Variants in TRAPPC10 observed in about 807,000 individuals in gnomAD.
The protein encoded by TRAPPC10 is trafficking protein particle complex subunit 10, also known as TRAPP 130 kDa subunit.
Under a neutral mutation model 125.5 loss-of-function variants are expected in TRAPPC10, and 23 were observed. That is an observed-to-expected ratio of 0.18 (90% CI 0.13 to 0.26). TRAPPC10 has a LOEUF of 0.26. Among genes scored for constraint, TRAPPC10 ranks in the 10% least tolerant of loss-of-function variants. The pLI is 1.00. For synonymous variants in TRAPPC10, 509 were observed against 518.0 expected, an observed-to-expected ratio of 0.98 and a Z score of 0.24; for missense variants, 1,123 against 1,308.4, an observed-to-expected ratio of 0.86 and a Z score of 2.19.
chr21:44,037,142 T>G (rs2034042252), intron 2 of TRAPPC10, among the ~76,000 whole-genome samples: 1 of 151,970 alleles, frequency 6.6e-6, no homozygotes, highest in Non-Finnish European at 1.5e-5. Flanking sequence ...AAGTGAGAAG[T>G]AAAGGCACGG....
At position 44,036,072 on chromosome 21, in the gene TRAPPC10, C is replaced by G. The variant is rs143495505; in HGVS notation, c.150-1720C>G. ...CTTTTCAGAAGGAAAGTGGAGGGAA[C>G]AGAGGACAGGTGACATTTGAAGAAT... On this transcript the variant is annotated intron_variant, in intron 2 of 22. Transcript: ENST00000291574. Among the ~76,000 whole-genome samples the G allele has an allele frequency of 1.9e-3, 284 of 152,150 alleles. 1 individual carries two copies. The highest frequency in any genetic ancestry group is 6.1e-3 in the Admixed American group (94 of 15,286).
Position 44,079,752 on chromosome 21 carries a change from A to G in TRAPPC10, c.1610+48A>G, listed in dbSNP as rs1250808873. 2.5e-6 allele frequency: 4 copies of G among 1,576,312 alleles called. No individual in the cohort carries two copies. The African/African-American group carries it at 5.5e-5, about 22-fold the overall frequency. ...AGCAGGAAAATTATTTTCTGTTTAT[A>G]CGGCAACATTGCCCACAATCAATGT... On this transcript the variant is annotated intron_variant, in intron 12 of 22. Coordinates refer to ENST00000291574, the MANE Select transcript of TRAPPC10 (RefSeq NM_003274.5).
At position 44,083,019 on chromosome 21, in the gene TRAPPC10, A is replaced by G. The variant is rs763467060; in HGVS notation, c.1955A>G (p.Asn652Ser). 7.4e-6 allele frequency: 12 copies of G among 1,613,980 alleles called. No individual in the cohort carries two copies. Among genetic ancestry groups the G allele is most frequent in the East Asian group, 6.7e-5 (3 of 44,894 alleles). ...AEWLTKHKTS[N>S]GIINFPPETA... The stretch of plus-strand genomic sequence containing the variant: ...TGGCTTACCAAGCACAAGACGTCCA[A>G]TGGGATCATTAACTTTCCACCCGAG... The change falls in exon 14 of 23, where the codon AAT becomes AGT. Residue 652 changes from asparagine (N) to serine (S), a missense_variant. By Grantham distance (46) the Asn-to-Ser change is conservative (BLOSUM62 1). This residue lies in a region of TRAPPC10 where 840 missense variants were observed against 902.0 expected (regional missense o/e 0.93). Coordinates refer to ENST00000291574, the MANE Select transcript of TRAPPC10 (RefSeq NM_003274.5).
At position 44,029,239 on chromosome 21, in the gene TRAPPC10, C is replaced by T. The variant is rs368390238; in HGVS notation, c.68-2852C>T. ...CCTCCCAAGTAGCTGGGACTACAGG[C>T]GCCTGCCACCACACCCAGCTAATTT... On this transcript the variant is annotated intron_variant, in intron 1 of 22. Coordinates refer to ENST00000291574, the MANE Select transcript of TRAPPC10 (RefSeq NM_003274.5). Among the ~76,000 whole-genome samples the T allele has an allele frequency of 4.7e-4, 72 of 152,300 alleles. 1 individual carries two copies. Among genetic ancestry groups the T allele is most frequent in the African/African-American group, 1.3e-3 (55 of 41,554 alleles).
At chr21:44,068,113 C>T (rs796283565) in intron 7 of TRAPPC10, among the ~76,000 whole-genome samples, 39 of 146,036 alleles carry the variant, frequency 2.7e-4, no homozygotes, top group African/African-American at 9.0e-4. Flanking sequence ...AGTGAGACTC[C>T]GTCTCAAAAA....
At chr21:44,061,925 G>T (rs2036089047) in intron 6 of TRAPPC10, among the ~76,000 whole-genome samples, 1 of 152,196 alleles carries the variant, frequency 6.6e-6, no homozygotes, top group African/African-American at 2.4e-5. Flanking sequence ...CCTCAGGCAG[G>T]CTGGTAATCA....
rs71197876 is a variant in TRAPPC10 at position 44,022,450 on chromosome 21, ATTT to A, written c.68-9618_68-9616del. Among the ~76,000 whole-genome samples, 47 of 96,964 alleles carry A rather than the reference ATTT, an allele frequency of 4.8e-4. 1 individual carries two copies. Among genetic ancestry groups the A allele is most frequent in the African/African-American group, 2.0e-3 (40 of 19,724 alleles). The allele number at this position is 96,964 out of a possible 152,430, so 63.6% of individuals were successfully genotyped here. A position where few individuals can be genotyped will look rare whatever the true frequency, so the allele number is the denominator to read the frequency against. The stretch of plus-strand genomic sequence containing the variant: ...AGGCGTGTGCCACCATGCCCAGCTA[ATTT>A]TTTTTTTTTTTTTTTTTTTTTTACA... On this transcript the variant is annotated intron_variant, in intron 1 of 22. Coordinates refer to ENST00000291574, the MANE Select transcript of TRAPPC10 (RefSeq NM_003274.5).
At chr21:44,086,163 G>T (rs1230297329) in intron 15 of TRAPPC10, among the ~76,000 whole-genome samples, 2 of 152,234 alleles carry the variant, frequency 1.3e-5, no homozygotes, top group African/African-American at 4.8e-5. Context: ...AGCGGCTGCA[G>T]TGCCAGGCTC....
chr21:44,070,441 G>A (rs890325379), intron 7 of TRAPPC10, among the ~76,000 whole-genome samples: 3 of 152,216 alleles, frequency 2.0e-5, no homozygotes, highest in East Asian at 3.8e-4. Flanking sequence ...GCCACCACCC[G>A]GTTCCAGAGT....
intron 1 of TRAPPC10, among the ~76,000 whole-genome samples, chr21:44,023,809 TACTC>T (rs920053638): frequency 6.6e-6 from 1 of 152,228 alleles, no homozygotes; most frequent in Non-Finnish European, 1.5e-5. Context: ...GACAGGCTCT[TACTC>T]TGTTGCCCAT....
At position 44,068,319 on chromosome 21, in the gene TRAPPC10, C is replaced by A. The variant is rs143509189; in HGVS notation, c.1038+4534C>A. On this transcript the variant is annotated intron_variant, in intron 7 of 22. Coordinates refer to ENST00000291574, the MANE Select transcript of TRAPPC10 (RefSeq NM_003274.5). ...TGACTGCTGGTGGCGCGGGAGAGTGCGTTTCAGGTGGAGAAGATGGTGTTA... is the reference window on the plus strand; with the variant it reads ...TGACTGCTGGTGGCGCGGGAGAGTGAGTTTCAGGTGGAGAAGATGGTGTTA... Among the ~76,000 whole-genome samples, 626 of 152,214 alleles carry A rather than the reference C, an allele frequency of 4.1e-3. 3 individuals carry two copies. The Middle Eastern group carries it at 0.044, about 11-fold the overall frequency.
rs748974339 is a variant in TRAPPC10, at chr21:44,086,944, C to G, written c.2523C>G (p.Val841=). 1.8e-5 allele frequency: 29 copies of G among 1,614,010 alleles called. No homozygotes were observed. The African/African-American group carries it at 3.9e-4, about 22-fold the overall frequency. The change falls in exon 16 of 23, where the codon GTC becomes GTG. Residue 841 remains valine (V), a synonymous_variant. Transcript: ENST00000291574. ...ILCQAESRAV[V]YSNTREQSSE... ...GCCAGGCGGAGAGCAGGGCTGTGGT[C>G]TACTCCAACACGAGAGGTGAGGTGC...
At position 44,087,145 on chromosome 21, in the gene TRAPPC10, G is replaced by A. The variant is rs1443517560; in HGVS notation, c.2539+185G>A. Reference sequence around the variant, plus strand: ...GGGGTCCCATCTGAGGTGATAAACTGAGAGTGGTTCACACGCTGAGTGGCC... The same window carrying A: ...GGGGTCCCATCTGAGGTGATAAACTAAGAGTGGTTCACACGCTGAGTGGCC... On this transcript the variant is annotated intron_variant, in intron 16 of 22. Transcript: ENST00000291574. The surrounding 1 kb of genome is among the most constrained non-coding windows in gnomAD (Gnocchi z 4.6). Among the ~76,000 whole-genome samples, 3 of 152,246 alleles carry A rather than the reference G, an allele frequency of 2.0e-5. No homozygotes were observed. The highest frequency in any genetic ancestry group is 2.1e-4 in the South Asian group (1 of 4,830).
At position 44,066,266 on chromosome 21, in the gene TRAPPC10, C is replaced by G. The variant is rs923585802; in HGVS notation, c.1038+2481C>G. 3.3e-5 allele frequency among the ~76,000 whole-genome samples: 5 copies of G among 152,106 alleles called. No homozygotes were observed. The East Asian group carries it at 7.7e-4, about 23-fold the overall frequency. On this transcript the variant is annotated intron_variant, in intron 7 of 22. Transcript: ENST00000291574. ...GTGGCCAGCTGTGATGGAAACTAGCCCTGCTCTGTAGTAGGGCTTGATCCA... is the reference window on the plus strand; with the variant it reads ...GTGGCCAGCTGTGATGGAAACTAGCGCTGCTCTGTAGTAGGGCTTGATCCA...
rs751615736 is a variant in TRAPPC10 at position 44,080,027 on chromosome 21, C to G, written c.1623C>G (p.Thr541=). The change falls in exon 13 of 23, where the codon ACC becomes ACG. Residue 541 remains threonine (T), a synonymous_variant. Coordinates refer to ENST00000291574, the MANE Select transcript of TRAPPC10 (RefSeq NM_003274.5). ...CTCTCCGCTCCAGCTACCTGCAGACCAGCAGCCTCTTAGCCAGTGACCACC... is the reference window on the plus strand; with the variant it reads ...CTCTCCGCTCCAGCTACCTGCAGACGAGCAGCCTCTTAGCCAGTGACCACC... ...HLGQIENYLQ[T]SSLLASDHHL... is the part of the protein sequence containing the mutation. 1 of 1,614,088 alleles carries G rather than the reference C, an allele frequency of 6.2e-7. No individual in the cohort carries two copies.
At chr21:44,052,915 T>C (rs2035321231) in intron 4 of TRAPPC10, among the ~76,000 whole-genome samples, 1 of 152,098 alleles carries the variant, frequency 6.6e-6, no homozygotes, top group Admixed American at 6.6e-5. Flanking sequence ...TGAAAGGGAA[T>C]CCTGAAACTT....
intron 13 of TRAPPC10, among the ~76,000 whole-genome samples, chr21:44,081,398 A>G (rs1008464877): frequency 6.6e-6 from 1 of 151,978 alleles, no homozygotes; most frequent in African/African-American, 2.4e-5. Flanking sequence ...AGCTCAAGGA[A>G]TCTACACACC....
intron 1 of TRAPPC10, among the ~76,000 whole-genome samples, chr21:44,031,656 G>A (rs2033594660): frequency 6.6e-6 from 1 of 152,196 alleles, no homozygotes; most frequent in Non-Finnish European, 1.5e-5. Flanking sequence ...ATAAATTTTA[G>A]CTCCTCCTGG....
At chr21:44,038,896 C>T (rs1555931396) in intron 3 of TRAPPC10, among the ~76,000 whole-genome samples, 11 of 152,180 alleles carry the variant, frequency 7.2e-5, no homozygotes, top group South Asian at 4.1e-4. Context: ...TGAGGACACA[C>T]GTGAGGAGAT....
Sources: allele counts gnomAD v4.1 joint callset (sites outside exome capture counted in the v4.1 genomes callset), GRCh38; gene constraint gnomAD v4.1.1; regional missense constraint gnomAD v4.1.1; non-coding constraint Gnocchi (gnomAD v3.1); transcripts MANE v1.5; gene names NCBI Gene and HGNC (gene_info 2026-07-23, HGNC 2026-07-21).